SH3GLB2: variants seen among roughly 807,000 people sequenced by gnomAD.
SH3GLB2 encodes the protein endophilin-B2.
Under a neutral mutation model 48.0 loss-of-function variants are expected in SH3GLB2, and 24 were observed. The observed-to-expected ratio is 0.50, with a 90% CI of 0.36 to 0.70. The LOEUF (loss-of-function observed/expected upper bound fraction) is 0.70. SH3GLB2 is among the 30% of genes least tolerant of loss of function. SH3GLB2 has a pLI of 0.00. For missense variants in SH3GLB2, 425 were observed against 516.0 expected, an observed-to-expected ratio of 0.82 and a Z score of 1.71; for synonymous variants, 227 against 207.6, an observed-to-expected ratio of 1.09 and a Z score of -0.80.
At chr9:129,016,721 C>T (rs996361987) in intron 3 of SH3GLB2, among the ~76,000 whole-genome samples, 6 of 151,722 alleles carry the variant, frequency 4.0e-5, no homozygotes, top group Non-Finnish European at 5.9e-5. Flanking sequence ...TATGCAGTAA[C>T]CACGAGAGAG....
intron 1 of SH3GLB2, among the ~76,000 whole-genome samples, chr9:129,027,872 G>A (rs1190148418): frequency 6.6e-6 from 1 of 152,268 alleles, no homozygotes; most frequent in Non-Finnish European, 1.5e-5. Flanking sequence ...GTGGGCACCG[G>A]TGCCTCGCCC....
chr9:129,009,034 G>A (rs558892094), intron 10 of SH3GLB2, 72 bp downstream of exon 10: 1 of 1,590,756 alleles, frequency 6.3e-7, no homozygotes. Flanking sequence ...CAGGCCCCAT[G>A]TGCCTGATCC....
rs763288855 is a variant in SH3GLB2 at position 129,008,716 on chromosome 9, C to T, written c.1156G>A (p.Val386Ile). ...IGERGNKKGK[V>I]PVTYLELLS ...AGCAGTTCCAAGTAGGTGACAGGGACCTTGCCCTTCTTGTTGCCTCTCTCG... is the reference window on the plus strand; with the variant it reads ...AGCAGTTCCAAGTAGGTGACAGGGATCTTGCCCTTCTTGTTGCCTCTCTCG... Residue 386 changes from valine (V) to isoleucine (I), a missense_variant, in exon 11 of 11, where the codon GTC (valine) becomes ATC (isoleucine). Val to Ile is a conservative substitution (Grantham distance 29). Transcript: ENST00000372564. 1.9e-6 allele frequency: 3 copies of T among 1,614,152 alleles called. No individual in the cohort carries two copies. Among genetic ancestry groups the T allele is most frequent in the Admixed American group, 3.3e-5 (2 of 60,012 alleles).
chr9:129,027,398 C>A (rs1159484839), intron 1 of SH3GLB2, among the ~76,000 whole-genome samples: 1 of 152,140 alleles, frequency 6.6e-6, no homozygotes, highest in East Asian at 1.9e-4. Context: ...CACATTCCCA[C>A]CCACACCTGA....
In SH3GLB2 at chr9:129,021,181, T is replaced by C; in HGVS notation, c.244A>G (p.Arg82Gly). Residue 82 changes from arginine to glycine, a missense_variant, in exon 3 of 11, where the codon AGG becomes GGG. Transcript: ENST00000372564. ...TTGGTGACCCTTGAGGGGACCTTCC[T>C]GTCCAGCTTCTCATACAGGAACTCC... The part of the protein sequence containing the change: ...VEEFLYEKLD[R>G]KVPSRVTNGE... 6.2e-7 allele frequency: 1 copy of C among 1,611,934 alleles called. No homozygotes were observed. The highest frequency in any genetic ancestry group is 1.1e-5 in the South Asian group (1 of 90,872).
intron 5 of SH3GLB2, chr9:129,013,648 G>T (rs1424990852): frequency 2.1e-5 from 4 of 190,112 alleles, no homozygotes; most frequent in Non-Finnish European, 4.4e-5. Flanking sequence ...CCCAGGCTAG[G>T]CCTGGCCTCC....
At chr9:129,010,806 T>C in intron 6 of SH3GLB2, 113 bp from the exon 7 acceptor site, 9 of 1,307,518 alleles carry the variant, frequency 6.9e-6, no homozygotes, top group Non-Finnish European at 9.6e-6. Context: ...CCCCTGCCCC[T>C]CTGCCCCCCC....
intron 10 of SH3GLB2, 151 bp downstream of exon 10, chr9:129,008,955 G>A (rs1017091982): frequency 4.4e-6 from 6 of 1,373,574 alleles, no homozygotes; most frequent in Non-Finnish European, 6.0e-6. Flanking sequence ...GCAGAGCAAG[G>A]ATCCTTTCCT....
At position 129,022,299 on chromosome 9, in the gene SH3GLB2, A is replaced by G; in HGVS notation, c.188T>C (p.Leu63Pro). Residue 63 changes from leucine (L) to proline (P), a missense_variant, in exon 2 of 11, where the codon CTG becomes CCG. Leu to Pro is a moderately conservative substitution (Grantham distance 98). Coordinates refer to ENST00000372564, the MANE Select transcript of SH3GLB2 (RefSeq NM_020145.4). ...GCACTCACTGGGGTTGGGCTGCAGCAGCACCTCTGTCTGCCTCAAGATCTT... is the reference window on the plus strand; with the variant it reads ...GCACTCACTGGGGTTGGGCTGCAGCGGCACCTCTGTCTGCCTCAAGATCTT... ...TEKILRQTEV[L>P]LQPNPSARVE... The G allele has an allele frequency of 6.2e-7, 1 of 1,613,954 alleles. No individual in the cohort carries two copies. The highest frequency in any genetic ancestry group is 8.5e-7 in the Non-Finnish European group (1 of 1,180,006).
At chr9:129,017,717 T>A (rs1403036666) in intron 3 of SH3GLB2, among the ~76,000 whole-genome samples, 1 of 149,842 alleles carries the variant, frequency 6.7e-6, no homozygotes, top group Non-Finnish European at 1.5e-5. Context: ...GCTAACACGG[T>A]GAAATCCCGT....
intron 3 of SH3GLB2, among the ~76,000 whole-genome samples, chr9:129,017,983 G>A (rs1843541058): frequency 6.6e-6 from 1 of 151,278 alleles, no homozygotes; most frequent in African/African-American, 2.4e-5. Context: ...TACTCAGAAG[G>A]CTGAGAGGCT....
At chr9:129,012,453 G>A (rs927410401) in intron 5 of SH3GLB2, 155 bp from the exon 6 acceptor site, 9 of 422,454 alleles carry the variant, frequency 2.1e-5, no homozygotes, top group Non-Finnish European at 3.3e-5. Flanking sequence ...CCCTTCTCCC[G>A]ACTCCAACCA....
At position 129,014,802 on chromosome 9, in the gene SH3GLB2, T is replaced by C. The variant is rs770317142; in HGVS notation, c.437A>G (p.Asn146Ser). 4 of 1,613,390 alleles carry C rather than the reference T, an allele frequency of 2.5e-6. No individual in the cohort carries two copies. In the South Asian group the frequency reaches 3.3e-5, roughly 13 times the overall value. Residue 146 changes from asparagine (N) to serine (S), a missense_variant, in exon 4 of 11, where the codon AAC (asparagine) becomes AGC (serine). Asn to Ser is a conservative substitution (Grantham distance 46). Coordinates refer to ENST00000372564, the MANE Select transcript of SH3GLB2 (RefSeq NM_020145.4). The surrounding 1 kb of genome is among the most constrained non-coding windows in gnomAD (Gnocchi z 4.1). ...GGTCTTCCAGTCCCCCTCCAGGAAG[T>C]TGCGCAAGGGTGTGAGGAAGCTGAT... ...ASISFLTPLRNFLEGDWKTIS... is the reference protein window; with the variant it reads ...ASISFLTPLRSFLEGDWKTIS...
Position 129,014,006 on chromosome 9 carries a change from G to T in SH3GLB2, c.561+405C>A, listed in dbSNP as rs1462854709. The T allele has an allele frequency of 2.1e-6, 1 of 467,560 alleles. No homozygotes were observed. The highest frequency in any genetic ancestry group is 6.7e-5 in the East Asian group (1 of 14,982). The allele number at this position is 467,560 out of a possible 1,614,324, so 29.0% of individuals were successfully genotyped here. ...CCCAGGTTTTCCACACCATCGTGGG[G>T]GCGCCTGAGCACAGGGACCCTCGGC... is the stretch of plus-strand genomic sequence containing the variant. On this transcript the variant is annotated intron_variant, in intron 5 of 10. Transcript: ENST00000372564. This position sits in a 1 kb window ranked among gnomAD's most constrained non-coding sequence, Gnocchi z 4.1.
chr9:129,014,299 G>T lies in SH3GLB2; in HGVS notation c.561+112C>A. ...AGCAGCCCCCAGCCAGGCATCTCCA[G>T]CCAGGGAGAGGGGAGAGAGGTCATG... is the stretch of plus-strand genomic sequence containing the variant. On this transcript the variant is annotated intron_variant, in intron 5 of 10. Coordinates refer to ENST00000372564, the MANE Select transcript of SH3GLB2 (RefSeq NM_020145.4). This position sits in a 1 kb window ranked among gnomAD's most constrained non-coding sequence, Gnocchi z 4.1. 2 of 1,010,736 alleles carry T rather than the reference G, an allele frequency of 2.0e-6. No individual in the cohort carries two copies. The highest frequency in any genetic ancestry group is 2.9e-6 in the Non-Finnish European group (2 of 681,938). The allele number at this position is 1,010,736 out of a possible 1,614,324, so 62.6% of individuals were successfully genotyped here. A position where few individuals can be genotyped will look rare whatever the true frequency, so the allele number is the denominator to read the frequency against.
rs1843074853 is a variant in SH3GLB2 at position 129,010,802 on chromosome 9, C to A, written c.625-109G>T. On this transcript the variant is annotated intron_variant, in intron 6 of 10. Transcript: ENST00000372564. ...CCCAGACTCAACTTCTGCCCCCCTGCCCCTCTGCCCCCCCTCCCAAACAGG... is the reference window on the plus strand; with the variant it reads ...CCCAGACTCAACTTCTGCCCCCCTGACCCTCTGCCCCCCCTCCCAAACAGG... The A allele has an allele frequency of 4.6e-6, 6 of 1,308,176 alleles. No homozygotes were observed. The South Asian group carries it at 7.9e-5, about 17-fold the overall frequency. The allele number at this position is 1,308,176 out of a possible 1,614,324, so 81.0% of individuals were successfully genotyped here. A position where few individuals can be genotyped will look rare whatever the true frequency, so the allele number is the denominator to read the frequency against.
At chr9:129,025,906 T>C (rs977129651) in intron 1 of SH3GLB2, among the ~76,000 whole-genome samples, 4 of 152,128 alleles carry the variant, frequency 2.6e-5, no homozygotes, top group African/African-American at 9.7e-5. Context: ...CTCTCTGGAC[T>C]TTATAAGTAT....
chr9:129,024,256 C>CAAAAAAAAAAAAAAAAA (rs1169096733), intron 1 of SH3GLB2, among the ~76,000 whole-genome samples: 1 of 54,520 alleles, frequency 1.8e-5, no homozygotes, highest in Non-Finnish European at 3.3e-5. Context: ...CTCCTCTCTA[C>CAAAAAAAAAAAAAAAAA]AAAAAAAAAA....
chr9:129,012,939 G>A, intron 5 of SH3GLB2: 1 of 1,545,258 alleles, frequency 6.5e-7, no homozygotes, highest in Non-Finnish European at 8.8e-7. Context: ...GGCTGGCCAT[G>A]GCACCGTGGG....
Sources: allele counts gnomAD v4.1 joint callset (sites outside exome capture counted in the v4.1 genomes callset), GRCh38; gene constraint gnomAD v4.1.1; non-coding constraint Gnocchi (gnomAD v3.1); transcripts MANE v1.5; gene names NCBI Gene and HGNC (gene_info 2026-07-23, HGNC 2026-07-21).